RBPJ: variants seen among roughly 807,000 people sequenced by gnomAD.
The protein encoded by RBPJ is recombination signal binding protein for immunoglobulin kappa J region, also known as recombining binding protein suppressor of hairless.
Under a neutral mutation model 67.8 loss-of-function variants are expected in RBPJ, and 9 were observed. The ratio of observed to expected loss-of-function variants is 0.13; its 90% CI spans 0.08 to 0.23. The LOEUF (loss-of-function observed/expected upper bound fraction) is 0.23. RBPJ is among the 10% of genes least tolerant of loss of function. RBPJ has a pLI of 1.00. For synonymous variants in RBPJ, 198 were observed against 203.3 expected (o/e 0.97, Z 0.22); for missense variants, 305 against 595.6 (o/e 0.51, Z 5.08).
At position 26,430,284 on chromosome 4, in the gene RBPJ, C is replaced by T. The variant is rs913255264; in HGVS notation, c.1045-135C>T. ...GTATGTTATCTTGAAATGTTTTTAG[C>T]TAGCTTTGTAATAAAAAACATTTTA... On this transcript the variant is annotated intron_variant, in intron 9 of 10. Transcript: ENST00000355476. The surrounding 1 kb of genome is among the most constrained non-coding windows in gnomAD (Gnocchi z 4.1). The T allele has an allele frequency of 4.5e-5, 39 of 864,938 alleles. No homozygotes were observed. Among genetic ancestry groups the T allele is most frequent in the Non-Finnish European group, 6.2e-5 (34 of 548,586 alleles). 53.6% of individuals were successfully genotyped at this position (864,938 alleles called of 1,614,324 possible).
chr4:26,205,428 T>C (rs1718135547), intron 1 of RBPJ, among the ~76,000 whole-genome samples: 1 of 152,108 alleles, frequency 6.6e-6, no homozygotes. Context: ...TAGCTTTTCT[T>C]ATTGCCCTCT....
At chr4:26,419,292 A>T (rs1232605462) in intron 4 of RBPJ, among the ~76,000 whole-genome samples, 2 of 152,120 alleles carry the variant, frequency 1.3e-5, no homozygotes, top group Non-Finnish European at 2.9e-5. Context: ...TTTATTTATT[A>T]CTATGATTGG....
At chr4:26,319,073 T>C (rs1722775472), upstream of RBPJ, among the ~76,000 whole-genome samples, 1 of 150,570 alleles carries the variant, frequency 6.6e-6, no homozygotes, top group Admixed American at 6.6e-5. Context: ...TGTTTCAAAG[T>C]AAGCGAAGTA....
chr4:26,282,474 A>G (rs886613874), intron 1 of RBPJ, among the ~76,000 whole-genome samples: 1 of 152,146 alleles, frequency 6.6e-6, no homozygotes, highest in African/African-American at 2.4e-5. Flanking sequence ...GATCTAAGAA[A>G]TTTAAATTAC....
intron 1 of RBPJ, among the ~76,000 whole-genome samples, chr4:26,312,673 T>C (rs149675600): frequency 5.6e-4 from 86 of 152,300 alleles, no homozygotes; most frequent in Non-Finnish European, 1.0e-3. Context: ...TCTTCCTTCA[T>C]TGTACCCCCA....
At chr4:26,180,342 AAAAAG>A (rs911624612) in intron 1 of RBPJ, among the ~76,000 whole-genome samples, 1 of 152,204 alleles carries the variant, frequency 6.6e-6, no homozygotes, top group Non-Finnish European at 1.5e-5. Context: ...TAAAAAAAAA[AAAAAG>A]AAAGAAAGTA....
At chr4:26,223,030 C>A (rs1718966265) in intron 1 of RBPJ, among the ~76,000 whole-genome samples, 1 of 151,692 alleles carries the variant, frequency 6.6e-6, no homozygotes, top group Non-Finnish European at 1.5e-5. Context: ...TGGTGTGCAC[C>A]TGTAATCCCA....
intron 1 of RBPJ, among the ~76,000 whole-genome samples, chr4:26,376,580 G>A (rs927912557): frequency 6.6e-6 from 1 of 152,150 alleles, no homozygotes; most frequent in Non-Finnish European, 1.5e-5. Context: ...GTGAATAATG[G>A]TACTATGAAT....
intron 2 of RBPJ, among the ~76,000 whole-genome samples, chr4:26,390,794 C>G (rs1239899183): frequency 6.6e-6 from 1 of 152,170 alleles, no homozygotes; most frequent in African/African-American, 2.4e-5. Context: ...ATGGTTCACA[C>G]CTATAATCCC....
chr4:26,345,825 G>T (rs1726073626), intron 1 of RBPJ, among the ~76,000 whole-genome samples: 1 of 152,154 alleles, frequency 6.6e-6, no homozygotes, highest in South Asian at 2.1e-4. Context: ...GCATTGGTAG[G>T]TTTTTGTTAG....
intron 1 of RBPJ, among the ~76,000 whole-genome samples, chr4:26,215,409 A>AGGCGGG: frequency 9.0e-5 from 1 of 11,090 alleles, no homozygotes; most frequent in East Asian, 0.019. Context: ...AAGGGGGGGG[A>AGGCGGG]AGGAAGGAAG....
At chr4:26,211,472 G>C (rs1718419608) in intron 1 of RBPJ, among the ~76,000 whole-genome samples, 1 of 152,134 alleles carries the variant, frequency 6.6e-6, no homozygotes, top group Admixed American at 6.6e-5. Context: ...TTATATTTGA[G>C]ATGTATTTCA....
chr4:26,258,357 G>T (rs1720413884), intron 1 of RBPJ, among the ~76,000 whole-genome samples: 1 of 152,050 alleles, frequency 6.6e-6, no homozygotes, highest in Non-Finnish European at 1.5e-5. Context: ...TTTCTGTAGG[G>T]CTCACAATCA....
intron 1 of RBPJ, among the ~76,000 whole-genome samples, chr4:26,210,724 T>TTCTTTCCTTCTTTCC (rs1560212093): frequency 1.0e-4 from 8 of 80,268 alleles, no homozygotes; most frequent in Non-Finnish European, 1.6e-4. Flanking sequence ...TCCTTCTTTC[T>TTCTTTCCTTCTTTCC]TTCCTTCTTT....
intron 1 of RBPJ, among the ~76,000 whole-genome samples, chr4:26,174,661 G>C (rs1056395144): frequency 6.6e-6 from 1 of 152,170 alleles, no homozygotes; most frequent in East Asian, 1.9e-4. Context: ...GTAGAGATGG[G>C]GTTTCACTAT....
At chr4:26,227,593 G>T (rs1419557425) in intron 1 of RBPJ, among the ~76,000 whole-genome samples, 1 of 152,190 alleles carries the variant, frequency 6.6e-6, no homozygotes, top group Non-Finnish European at 1.5e-5. Flanking sequence ...GTTTTGCAGA[G>T]TCTGAATGCA....
At chr4:26,197,086 A>G (rs1375413635) in intron 1 of RBPJ, among the ~76,000 whole-genome samples, 3 of 152,128 alleles carry the variant, frequency 2.0e-5, no homozygotes, top group Non-Finnish European at 4.4e-5. Flanking sequence ...TCTCCTTTCA[A>G]AAGCTCCAGA....
rs964839569 is a variant in RBPJ, at chr4:26,424,089, C to T, written c.497-253C>T. 1.3e-5 allele frequency among the ~76,000 whole-genome samples: 2 copies of T among 152,212 alleles called. No homozygotes were observed. Among genetic ancestry groups the T allele is most frequent in the Non-Finnish European group, 2.9e-5 (2 of 68,040 alleles). On this transcript the variant is annotated intron_variant, in intron 5 of 10. Transcript: ENST00000355476. This position sits in a 1 kb window ranked among gnomAD's most constrained non-coding sequence, Gnocchi z 5.3. ...AGTTTTTCTCTAATAATCAGCACCA[C>T]ATTAAACATACTGTGTAGCTTTCAC...
At chr4:26,391,223 A>G (rs1254221412) in intron 2 of RBPJ, among the ~76,000 whole-genome samples, 1 of 152,226 alleles carries the variant, frequency 6.6e-6, no homozygotes, top group Non-Finnish European at 1.5e-5. Flanking sequence ...AAAAGAACTT[A>G]CACTGCCTGG....
Sources: gnomAD v4.1 joint callset for allele counts (sites outside exome capture counted in the v4.1 genomes callset) on GRCh38, gnomAD v4.1.1 for gene constraint, Gnocchi (gnomAD v3.1) non-coding constraint, MANE v1.5 for transcripts, NCBI Gene and HGNC (gene_info 2026-07-23, HGNC 2026-07-21) for gene names.